The following AKT3 variants were observed in gnomAD, a reference collection of about 807,000 sequenced individuals.
The protein encoded by AKT3 is RAC-gamma serine/threonine-protein kinase.
Under a neutral mutation model 65.3 loss-of-function variants are expected in AKT3, and 15 were observed. The observed-to-expected ratio is 0.23, with a 90% confidence interval of 0.15 to 0.35. AKT3 has a LOEUF of 0.35. Ranked by LOEUF, AKT3 falls within the 10% of genes least tolerant of loss-of-function variation. The probability of loss-of-function intolerance (pLI) is 1.00; values close to 1 mark genes in which losing one functional copy is unlikely to be tolerated. For synonymous variants in AKT3, 206 were observed against 183.8 expected (o/e 1.12, Z -0.98); for missense variants, 243 against 576.5 (o/e 0.42, Z 5.92).
At chr1:243,638,876 A>G (rs1680170752) in intron 5 of AKT3, among the ~76,000 whole-genome samples, 1 of 152,148 alleles carries the variant, frequency 6.6e-6, no homozygotes. Flanking sequence ...AATGATACAG[A>G]TCAGAGCAGA....
intron 4 of AKT3, among the ~76,000 whole-genome samples, chr1:243,650,217 A>C (rs773023484): frequency 1.2e-4 from 19 of 152,198 alleles, no homozygotes; most frequent in Non-Finnish European, 2.5e-4. Context: ...TCTTTTGAGA[A>C]GTGTCTGTTC....
At chr1:243,623,593 A>C (rs1678927893) in intron 6 of AKT3, among the ~76,000 whole-genome samples, 1 of 152,200 alleles carries the variant, frequency 6.6e-6, no homozygotes, top group Non-Finnish European at 1.5e-5. Flanking sequence ...GTCCTTGGAC[A>C]TCAGAACTCT....
intron 2 of AKT3, among the ~76,000 whole-genome samples, chr1:243,778,159 G>A (rs1489864493): frequency 6.6e-6 from 1 of 152,082 alleles, no homozygotes; most frequent in East Asian, 1.9e-4. Flanking sequence ...GTTTGAGGCA[G>A]GGCAACTACC....
intron 4 of AKT3, among the ~76,000 whole-genome samples, chr1:243,661,669 A>C (rs1252198818): frequency 3.3e-5 from 5 of 151,742 alleles, no homozygotes; most frequent in Admixed American, 6.6e-5. Flanking sequence ...TCTAAAACAC[A>C]AAAAGCAATG....
intron 12 of AKT3, among the ~76,000 whole-genome samples, chr1:243,544,069 A>T (rs1427965209): frequency 6.6e-6 from 1 of 152,188 alleles, no homozygotes; most frequent in Non-Finnish European, 1.5e-5. Context: ...TAAATGTTTC[A>T]GAGAAAAATA....
intron 8 of AKT3, among the ~76,000 whole-genome samples, chr1:243,602,087 T>C (rs919810157): frequency 6.6e-6 from 1 of 152,226 alleles, no homozygotes; most frequent in African/African-American, 2.4e-5. Flanking sequence ...TCTGAGATTT[T>C]AGATTTGTAA....
chr1:243,715,449 C>G (rs975902716), intron 2 of AKT3, among the ~76,000 whole-genome samples: 1 of 151,950 alleles, frequency 6.6e-6, no homozygotes, highest in African/African-American at 2.4e-5. Context: ...TATACTGGGC[C>G]GACTTTGGTT....
intron 2 of AKT3, among the ~76,000 whole-genome samples, chr1:243,771,029 G>A (rs1035377076): frequency 6.6e-6 from 1 of 152,156 alleles, no homozygotes; most frequent in African/African-American, 2.4e-5. Context: ...AAAAGGAAGA[G>A]GCTAGATGTT....
At chr1:243,678,918 C>T (rs1036149122) in intron 3 of AKT3, among the ~76,000 whole-genome samples, 19 of 151,998 alleles carry the variant, frequency 1.3e-4, no homozygotes, top group Admixed American at 7.9e-4. Flanking sequence ...AATAATAGTA[C>T]ACCAAATGTG....
chr1:243,570,722 T>G (rs1324069074), intron 9 of AKT3, among the ~76,000 whole-genome samples: 1 of 152,204 alleles, frequency 6.6e-6, no homozygotes, highest in African/African-American at 2.4e-5. Context: ...AAATAACATG[T>G]GTGTAAGTTT....
At chr1:243,671,665 C>G (rs1448096015) in intron 3 of AKT3, among the ~76,000 whole-genome samples, 1 of 152,168 alleles carries the variant, frequency 6.6e-6, no homozygotes, top group Non-Finnish European at 1.5e-5. Flanking sequence ...ATTCCAGCAG[C>G]AGATAACTGT....
At chr1:243,838,311 C>T (rs1447176916) in intron 2 of AKT3, among the ~76,000 whole-genome samples, 1 of 152,042 alleles carries the variant, frequency 6.6e-6, no homozygotes, top group East Asian at 1.9e-4. Flanking sequence ...TGTATAACCT[C>T]AACAGTCAAA....
chr1:243,653,225 C>T (rs1322662015), intron 4 of AKT3, among the ~76,000 whole-genome samples: 2 of 152,162 alleles, frequency 1.3e-5, no homozygotes, highest in East Asian at 3.8e-4. Context: ...CATCTCTATG[C>T]AAATAAACTA....
intron 8 of AKT3, among the ~76,000 whole-genome samples, chr1:243,602,980 C>G (rs912088578): frequency 2.6e-5 from 4 of 152,114 alleles, no homozygotes; most frequent in African/African-American, 9.7e-5. Context: ...GGAAACAAGT[C>G]CTAAGTAGAG....
intron 12 of AKT3, among the ~76,000 whole-genome samples, chr1:243,538,759 C>T (rs1171852782): frequency 2.6e-5 from 4 of 151,322 alleles, no homozygotes; most frequent in Non-Finnish European, 5.9e-5. Flanking sequence ...TACTCAAAAG[C>T]CTGAGGCAAG....
At position 243,490,555 on chromosome 1, in the gene AKT3, G is replaced by A. The variant is rs527512940; in HGVS notation, c.*7-2105C>T. Among the ~76,000 whole-genome samples the A allele has an allele frequency of 2.6e-5, 4 of 152,332 alleles. No homozygotes were observed. In the South Asian group the frequency reaches 6.2e-4, roughly 24 times the overall value. On this transcript the variant is annotated intron_variant, in intron 13 of 13. Transcript: ENST00000336199. ...GTGCTGAATCCCCTGCCCCCGCTTCGGACAAGTAACTTAAGCCTTTTTCCA... is the reference window on the plus strand; with the variant it reads ...GTGCTGAATCCCCTGCCCCCGCTTCAGACAAGTAACTTAAGCCTTTTTCCA...
At chr1:243,543,875 T>C (rs1334317699) in intron 12 of AKT3, among the ~76,000 whole-genome samples, 1 of 152,182 alleles carries the variant, frequency 6.6e-6, no homozygotes, top group African/African-American at 2.4e-5. Flanking sequence ...TTTAAATTCC[T>C]AGTTACAAGA....
chr1:243,832,120 TAAAAAAAAAAAAAAAAAAAAAA>T (rs869235352), intron 2 of AKT3, among the ~76,000 whole-genome samples: 7 of 44,774 alleles, frequency 1.6e-4, no homozygotes, highest in South Asian at 1.8e-3. Flanking sequence ...TCCCTAAAAC[TAAAAAAAAAAAAAAAAAAAAAA>T]AAAAAAAAAA....
downstream of AKT3, among the ~76,000 whole-genome samples, chr1:243,497,369 G>T (rs1158387231): frequency 3.4e-5 from 5 of 148,280 alleles, no homozygotes; most frequent in Admixed American, 3.4e-4. Flanking sequence ...TGAACGGTAA[G>T]TTCAACAGTG....
Sources: allele counts gnomAD v4.1 joint callset (sites outside exome capture counted in the v4.1 genomes callset), GRCh38; gene constraint gnomAD v4.1.1; transcripts MANE v1.5; gene names NCBI Gene and HGNC (gene_info 2026-07-23, HGNC 2026-07-21).